CCN3: variants seen among roughly 807,000 people sequenced by gnomAD.
CCN3 encodes cellular communication network factor 3, also known as CCN family member 3.
CCN3 carries 20 observed loss-of-function variants against 33.4 expected under a neutral mutation model. The observed-to-expected ratio is 0.60, with a 90% CI of 0.42 to 0.87. CCN3 has a LOEUF of 0.87. CCN3 is among the 40% of genes least tolerant of loss of function. CCN3 has a pLI of 0.00. For synonymous variants in CCN3, 205 were observed against 170.4 expected (o/e 1.20, Z -1.58); for missense variants, 465 against 455.3 (o/e 1.02, Z -0.19).
intron 4 of CCN3, among the ~76,000 whole-genome samples, chr8:119,420,958 A>T (rs1331150569): frequency 6.6e-6 from 1 of 151,730 alleles, no homozygotes; most frequent in Non-Finnish European, 1.5e-5. Context: ...GTACTAGTAT[A>T]ACAATCATTA....
chr8:119,417,005 C>A, intron 2 of CCN3, 36 bp downstream of exon 2: 1 of 1,552,688 alleles, frequency 6.4e-7, no homozygotes, highest in Non-Finnish European at 8.8e-7. Flanking sequence ...ACCTCTTCTC[C>A]TGCAGCTAAG....
intron 2 of CCN3, 180 bp downstream of exon 2, chr8:119,417,149 T>TG: frequency 1.7e-6 from 1 of 599,266 alleles, no homozygotes; most frequent in Non-Finnish European, 2.8e-6. Context: ...CTTGGGGCTT[T>TG]GGGGAGCGCC....
At position 119,416,624 on chromosome 8, in the gene CCN3, G is replaced by A. The variant is rs748853121; in HGVS notation, c.84+8G>A. On this transcript the variant is annotated splice_region_variant and intron_variant, in intron 1 of 4. Coordinates refer to ENST00000259526, the MANE Select transcript of CCN3 (RefSeq NM_002514.4). ...CTCCATCTCCTGGGACAGGTAAGTG[G>A]CACACCCTTAAGATGCCCCCAAGTT... The A allele has an allele frequency of 6.2e-7, 1 of 1,612,656 alleles. No homozygotes were observed. Among genetic ancestry groups the A allele is most frequent in the Non-Finnish European group, 8.5e-7 (1 of 1,179,308 alleles).
chr8:119,421,324 A>T (rs924632647), intron 4 of CCN3, among the ~76,000 whole-genome samples: 1 of 152,156 alleles, frequency 6.6e-6, no homozygotes, highest in Admixed American at 6.5e-5. Flanking sequence ...TGGTTCTTAA[A>T]GGGTGGTCCC....
intron 2 of CCN3, 52 bp from the exon 3 acceptor site, chr8:119,418,006 C>G: frequency 6.4e-7 from 1 of 1,557,614 alleles, no homozygotes; most frequent in Non-Finnish European, 8.8e-7. Flanking sequence ...GTATTGTGTT[C>G]TTGTTTTTCC....
chr8:119,421,281 T>C (rs958984724), intron 4 of CCN3, among the ~76,000 whole-genome samples: 23 of 152,090 alleles, frequency 1.5e-4, no homozygotes, highest in Non-Finnish European at 3.1e-4. Flanking sequence ...AGTGCTGGGA[T>C]TACCGGCCTG....
At chr8:119,419,029 CAG>C in intron 3 of CCN3, 100 bp from the exon 4 acceptor site, 1 of 801,994 alleles carries the variant, frequency 1.2e-6, no homozygotes, top group South Asian at 1.6e-5. Context: ...TTAGTAGGTA[CAG>C]AGTCGAATGA....
intron 2 of CCN3, 89 bp downstream of exon 2, chr8:119,417,058 A>G: frequency 1.9e-6 from 2 of 1,034,618 alleles, no homozygotes; most frequent in Non-Finnish European, 1.4e-6. Flanking sequence ...CCCTTCCCAG[A>G]GGGCGATAAG....
chr8:119,423,209 T>G lies in CCN3; in HGVS notation c.*77T>G, dbSNP rs1393002859. ...CACCATCAAAGGAATATAAGAAAAGTAATGAAGAATCACGATTTCATCCTT... is the reference window on the plus strand; with the variant it reads ...CACCATCAAAGGAATATAAGAAAAGGAATGAAGAATCACGATTTCATCCTT... On this transcript the variant is annotated 3_prime_UTR_variant, in exon 5 of 5. Coordinates refer to ENST00000259526, the MANE Select transcript of CCN3 (RefSeq NM_002514.4). 7.4e-7 allele frequency: 1 copy of G among 1,356,760 alleles called. No homozygotes were observed. The highest frequency in any genetic ancestry group is 1.5e-5 in the African/African-American group (1 of 68,616). The allele number at this position is 1,356,760 out of a possible 1,614,324, so 84.0% of individuals were successfully genotyped here. A position where few individuals can be genotyped will look rare whatever the true frequency, so the allele number is the denominator to read the frequency against.
intron 4 of CCN3, 109 bp from the exon 5 acceptor site, chr8:119,422,723 GAAGA>G (rs2130458646): frequency 1.2e-6 from 1 of 863,078 alleles, no homozygotes; most frequent in South Asian, 1.7e-5. Context: ...TGATAGCAAA[GAAGA>G]AAGACCAATA....
In CCN3 at chr8:119,423,784, C is replaced by A. The variant is rs890844640; in HGVS notation, c.*652C>A. ...TCATAAACTTTCTCCATTTAAGACACATTGACTCCTTTCCAATAGAAAGAA... is the reference window on the plus strand; with the variant it reads ...TCATAAACTTTCTCCATTTAAGACAAATTGACTCCTTTCCAATAGAAAGAA... On this transcript the variant is annotated 3_prime_UTR_variant, in exon 5 of 5. Transcript: ENST00000259526. The A allele has an allele frequency of 6.6e-6, 1 of 152,216 alleles. No individual in the cohort carries two copies. Among genetic ancestry groups the A allele is most frequent in the Non-Finnish European group, 1.5e-5 (1 of 68,040 alleles). The allele number at this position is 152,216 out of a possible 1,614,324, so 9.4% of individuals were successfully genotyped here.
chr8:119,418,229 T>C lies in CCN3; in HGVS notation c.482T>C (p.Val161Ala), dbSNP rs781481409. ...PEPNCPAPRK[V>A]EVPGECCEKW... ...CCTAACTGCCCAGCTCCAAGAAAAG[T>C]TGAGGTGCCTGGAGAGTGCTGTGAA... The change falls in exon 3 of 5, where the codon GTT becomes GCT. Residue 161 changes from valine to alanine, a missense_variant. Val to Ala is a moderately conservative substitution (Grantham distance 64, BLOSUM62 0). Coordinates refer to ENST00000259526, the MANE Select transcript of CCN3 (RefSeq NM_002514.4). The C allele has an allele frequency of 2.5e-6, 4 of 1,614,038 alleles. No homozygotes were observed. The Admixed American group carries it at 5.0e-5, about 20-fold the overall frequency.
At chr8:119,417,702 T>A (rs1820070408) in intron 2 of CCN3, among the ~76,000 whole-genome samples, 1 of 152,234 alleles carries the variant, frequency 6.6e-6, no homozygotes, top group South Asian at 2.1e-4. Context: ...ACTTTTTCTC[T>A]TTTTAAGTCT....
intron 2 of CCN3, 84 bp downstream of exon 2, chr8:119,417,053 C>G: frequency 9.1e-7 from 1 of 1,094,240 alleles, no homozygotes; most frequent in Non-Finnish European, 1.3e-6. Context: ...TATTCCCCTT[C>G]CCAGAGGGCG....
chr8:119,416,659 G>T (rs776698704), intron 1 of CCN3, 43 bp downstream of exon 1: 4 of 1,597,426 alleles, frequency 2.5e-6, no homozygotes, highest in Non-Finnish European at 2.6e-6. Context: ...TACTTTGCCC[G>T]CCTTGGTGGC....
intron 1 of CCN3, 24 bp downstream of exon 1, chr8:119,416,640 C>T (rs768098189): frequency 6.2e-6 from 10 of 1,609,174 alleles, no homozygotes; most frequent in Admixed American, 3.4e-5. Flanking sequence ...CCTTAAGATG[C>T]CCCCAAGTTA....
In CCN3 at chr8:119,423,311, A is replaced by G; in HGVS notation, c.*179A>G. On this transcript the variant is annotated 3_prime_UTR_variant, in exon 5 of 5. Coordinates refer to ENST00000259526, the MANE Select transcript of CCN3 (RefSeq NM_002514.4). ...TTTTATTTAACAAAAAATGTAATTA[A>G]CTGTAAACTTGGAATCAAGGTAAGC... 1.7e-6 allele frequency: 1 copy of G among 575,926 alleles called. No individual in the cohort carries two copies. The highest frequency in any genetic ancestry group is 3.1e-5 in the South Asian group (1 of 32,136). 35.7% of individuals were successfully genotyped at this position (575,926 alleles called of 1,614,324 possible).
At position 119,423,301 on chromosome 8, in the gene CCN3, A is replaced by G; in HGVS notation, c.*169A>G. On this transcript the variant is annotated 3_prime_UTR_variant, in exon 5 of 5. Coordinates refer to ENST00000259526, the MANE Select transcript of CCN3 (RefSeq NM_002514.4). ...TATATCTGTCTTTTATTTAACAAAA[A>G]ATGTAATTAACTGTAAACTTGGAAT... 1 of 600,024 alleles carries G rather than the reference A, an allele frequency of 1.7e-6. No individual in the cohort carries two copies. The highest frequency in any genetic ancestry group is 2.8e-6 in the Non-Finnish European group (1 of 359,474). The allele number at this position is 600,024 out of a possible 1,614,324, so 37.2% of individuals were successfully genotyped here.
intron 2 of CCN3, among the ~76,000 whole-genome samples, chr8:119,417,616 T>C (rs1820069267): frequency 6.6e-6 from 1 of 152,222 alleles, no homozygotes; most frequent in Admixed American, 6.5e-5. Flanking sequence ...CTGATGATTT[T>C]ATTATGCTTG....
Sources: gnomAD v4.1 joint callset for allele counts (sites outside exome capture counted in the v4.1 genomes callset) on GRCh38, gnomAD v4.1.1 for gene constraint, MANE v1.5 for transcripts, NCBI Gene and HGNC (gene_info 2026-07-23, HGNC 2026-07-21) for gene names.